Variants in PDSS2 observed in about 807,000 individuals in gnomAD.
PDSS2 encodes the protein decaprenyl diphosphate synthase subunit 2, also known as all trans-polyprenyl-diphosphate synthase PDSS2.
In PDSS2, 31 loss-of-function variants were observed where a neutral mutation model predicts 44.5. The ratio of observed to expected loss-of-function variants is 0.70; its 90% CI spans 0.52 to 0.94. PDSS2 has a LOEUF of 0.94. Ranked by LOEUF, PDSS2 falls within the 40% of genes least tolerant of loss-of-function variation. The probability of loss-of-function intolerance (pLI) is 0.00; values close to 1 mark genes in which losing one functional copy is unlikely to be tolerated. For missense variants in PDSS2, 452 were observed against 482.2 expected, an observed-to-expected ratio of 0.94 and a Z score of 0.59; for synonymous variants, 157 against 180.3, an observed-to-expected ratio of 0.87 and a Z score of 1.03.
chr6:107,303,634 A>G (rs1428746512), intron 2 of PDSS2, among the ~76,000 whole-genome samples: 1 of 152,222 alleles, frequency 6.6e-6, no homozygotes, highest in Non-Finnish European at 1.5e-5. Context: ...TTTCTATGTC[A>G]CAAAATATGG....
chr6:107,369,236 G>C (rs777859834), intron 1 of PDSS2, among the ~76,000 whole-genome samples: 3 of 152,130 alleles, frequency 2.0e-5, no homozygotes, highest in Middle Eastern at 3.4e-3. Flanking sequence ...TGGCCAACAT[G>C]GTGAAACTCC....
intron 4 of PDSS2, among the ~76,000 whole-genome samples, chr6:107,231,943 C>T (rs1444737173): frequency 1.4e-5 from 2 of 141,958 alleles, no homozygotes; most frequent in African/African-American, 2.7e-5. Context: ...GCCTGGGCAA[C>T]AAGAGTGAAA....
At chr6:107,331,678 A>G (rs1777715883) in intron 2 of PDSS2, among the ~76,000 whole-genome samples, 1 of 152,150 alleles carries the variant, frequency 6.6e-6, no homozygotes, top group African/African-American at 2.4e-5. Flanking sequence ...TTCAATCCCA[A>G]CTCTATCACT....
intron 2 of PDSS2, among the ~76,000 whole-genome samples, chr6:107,319,003 T>TACAC (rs1200407112): frequency 9.9e-6 from 1 of 101,268 alleles, no homozygotes; most frequent in East Asian, 4.8e-4. Flanking sequence ...AAAATATATA[T>TACAC]ATATACACAC....
Position 107,458,978 on chromosome 6 carries a change from G to C in PDSS2, c.296+12C>G, listed in dbSNP as rs747836845. The C allele has an allele frequency of 9.3e-6, 15 of 1,613,304 alleles. No homozygotes were observed. The South Asian group carries it at 1.6e-4, about 18-fold the overall frequency. Reference sequence around the variant, plus strand: ...TGAGTGCGAGTGTGTCAGCGGGAGAGGGGTAGCTCACCTGGCTGTGGTAAG... The same window carrying C: ...TGAGTGCGAGTGTGTCAGCGGGAGACGGGTAGCTCACCTGGCTGTGGTAAG... On this transcript the variant is annotated intron_variant, in intron 1 of 7. Transcript: ENST00000369037.
intron 2 of PDSS2, among the ~76,000 whole-genome samples, chr6:107,277,282 T>C (rs1255256617): frequency 6.6e-6 from 1 of 152,170 alleles, no homozygotes; most frequent in East Asian, 1.9e-4. Context: ...GAGTAGGGCT[T>C]GGGAACCCCA....
Position 107,424,036 on chromosome 6 carries a change from C to CATTTTTTTTTTTTTTTTTTTTTTT in PDSS2, c.296+34953_296+34954insAAAAAAAAAAAAAAAAAAAAAAAT, listed in dbSNP as rs1554279679. On this transcript the variant is annotated intron_variant, in intron 1 of 7. Coordinates refer to ENST00000369037, the MANE Select transcript of PDSS2 (RefSeq NM_020381.4). ...AATTATGATTATTTTTATCTTGCAT[C>CATTTTTTTTTTTTTTTTTTTTTTT]TTTTTTTTTTTTTTTTTTTTTTTGG... Among the ~76,000 whole-genome samples the CATTTTTTTTTTTTTTTTTTTTTTT allele has an allele frequency of 8.8e-5, 8 of 90,586 alleles. 3 individuals carry two copies. Among genetic ancestry groups the CATTTTTTTTTTTTTTTTTTTTTTT allele is most frequent in the African/African-American group, 1.8e-4 (4 of 21,954 alleles). The allele number at this position is 90,586 out of a possible 152,430, so 59.4% of individuals were successfully genotyped here.
chr6:107,346,105 T>C (rs1427581315), intron 1 of PDSS2, among the ~76,000 whole-genome samples: 1 of 152,214 alleles, frequency 6.6e-6, no homozygotes, highest in African/African-American at 2.4e-5. Context: ...AAAATATAAT[T>C]TGATTTTTAA....
At chr6:107,391,541 T>C (rs1168315297) in intron 1 of PDSS2, among the ~76,000 whole-genome samples, 1 of 152,092 alleles carries the variant, frequency 6.6e-6, no homozygotes, top group Non-Finnish European at 1.5e-5. Flanking sequence ...AAGATTTTTC[T>C]TGATGCTTTA....
chr6:107,449,207 C>G (rs760203375), intron 1 of PDSS2, among the ~76,000 whole-genome samples: 1 of 152,206 alleles, frequency 6.6e-6, no homozygotes, highest in Non-Finnish European at 1.5e-5. Flanking sequence ...TCCATCTCCA[C>G]AGTTTTGTCA....
At chr6:107,411,166 G>A (rs924948489) in intron 1 of PDSS2, among the ~76,000 whole-genome samples, 2 of 152,146 alleles carry the variant, frequency 1.3e-5, no homozygotes. Flanking sequence ...GATTACAGGC[G>A]TGAGCCACTG....
chr6:107,330,758 C>G (rs1777687349), intron 2 of PDSS2, among the ~76,000 whole-genome samples: 1 of 152,130 alleles, frequency 6.6e-6, no homozygotes, highest in Non-Finnish European at 1.5e-5. Context: ...TTTTAAAAGT[C>G]AAGGTTAGTG....
chr6:107,364,452 G>T (rs568153159), intron 1 of PDSS2, among the ~76,000 whole-genome samples: 3 of 152,226 alleles, frequency 2.0e-5, no homozygotes, highest in East Asian at 1.9e-4. Context: ...GCACTGCTGG[G>T]GGACTCAGTA....
intron 1 of PDSS2, among the ~76,000 whole-genome samples, chr6:107,372,577 G>A (rs930121838): frequency 2.0e-5 from 3 of 151,656 alleles, no homozygotes; most frequent in Non-Finnish European, 4.4e-5. Flanking sequence ...TCAGCCTCCC[G>A]AGTAGCTGGG....
At chr6:107,337,517 G>A (rs1777942987) in intron 1 of PDSS2, among the ~76,000 whole-genome samples, 1 of 152,126 alleles carries the variant, frequency 6.6e-6, no homozygotes, top group Admixed American at 6.5e-5. Flanking sequence ...ATGACCTCTT[G>A]TATAAAATGA....
intron 2 of PDSS2, among the ~76,000 whole-genome samples, chr6:107,287,784 G>C (rs1562436969): frequency 6.6e-6 from 1 of 152,196 alleles, no homozygotes; most frequent in Non-Finnish European, 1.5e-5. Context: ...GCCTCCCAAA[G>C]TGCTGGGATC....
chr6:107,302,987 T>TA (rs1475579458), intron 2 of PDSS2, among the ~76,000 whole-genome samples: 1 of 152,240 alleles, frequency 6.6e-6, no homozygotes, highest in Non-Finnish European at 1.5e-5. Context: ...ACTAGCAGAT[T>TA]AAAATTATAT....
chr6:107,165,910 T>C (rs1771327627), intron 7 of PDSS2, among the ~76,000 whole-genome samples: 1 of 151,698 alleles, frequency 6.6e-6, no homozygotes, highest in East Asian at 1.9e-4. Flanking sequence ...CCTAGGTATT[T>C]TATTCTCTTT....
At chr6:107,331,406 A>G (rs1295829457) in intron 2 of PDSS2, among the ~76,000 whole-genome samples, 1 of 152,170 alleles carries the variant, frequency 6.6e-6, no homozygotes, top group South Asian at 2.1e-4. Flanking sequence ...ACACTTGAGT[A>G]TAAAGCCCAT....
Sources: allele counts gnomAD v4.1 joint callset (sites outside exome capture counted in the v4.1 genomes callset), GRCh38; gene constraint gnomAD v4.1.1; transcripts MANE v1.5; gene names NCBI Gene and HGNC (gene_info 2026-07-23, HGNC 2026-07-21).